NEBL: variants seen among roughly 807,000 people sequenced by gnomAD.
NEBL encodes LIM and SH3 protein 2.
In NEBL, 122 loss-of-function variants were observed where a neutral mutation model predicts 140.2. The observed-to-expected ratio is 0.87, with a 90% CI of 0.75 to 1.01. NEBL has a LOEUF of 1.01. NEBL is among the 50% of genes least tolerant of loss of function. NEBL has a pLI of 0.00. For synonymous variants in NEBL, 436 were observed against 398.9 expected (o/e 1.09, Z -1.11); for missense variants, 1,365 against 1,231.3 (o/e 1.11, Z -1.62).
chr10:20,836,279 G>A (rs749717795), intron 13 of NEBL, among the ~76,000 whole-genome samples: 39 of 152,244 alleles, frequency 2.6e-4, no homozygotes, highest in Non-Finnish European at 5.4e-4. Flanking sequence ...CTGGAGTGCA[G>A]TGGCGTGATC....
chr10:21,056,940 A>AT (rs1231533824), intron 2 of NEBL, among the ~76,000 whole-genome samples: 1 of 152,176 alleles, frequency 6.6e-6, no homozygotes, highest in East Asian at 1.9e-4. Flanking sequence ...AAAAGTGCTC[A>AT]TTTTATGATT....
intron 2 of NEBL, among the ~76,000 whole-genome samples, chr10:21,080,234 C>G (rs1337597992): frequency 6.6e-6 from 1 of 152,344 alleles, no homozygotes; most frequent in East Asian, 1.9e-4. Flanking sequence ...CATGTCATCA[C>G]TTTCTAAATA....
chr10:20,823,337 C>A, intron 18 of NEBL, 37 bp from the exon 19 acceptor site: 1 of 1,411,084 alleles, frequency 7.1e-7, no homozygotes, highest in Non-Finnish European at 9.9e-7. Context: ...TAACTTTATT[C>A]TATGCAAGGC....
intron 3 of NEBL, among the ~76,000 whole-genome samples, chr10:21,019,738 C>T (rs559585208): frequency 5.3e-5 from 8 of 152,276 alleles, no homozygotes; most frequent in East Asian, 3.9e-4. Flanking sequence ...GGGTGTTAGC[C>T]GCACACACAC....
intron 1 of NEBL, among the ~76,000 whole-genome samples, chr10:21,277,087 C>T (rs370842685): frequency 9.9e-5 from 15 of 151,994 alleles, no homozygotes; most frequent in East Asian, 7.7e-4. Context: ...CATGATGACA[C>T]TACTGTACTC....
rs142701449 is a variant in NEBL at position 21,047,034 on chromosome 10, AG to A, written c.165-26834del. Among the ~76,000 whole-genome samples, 609 of 152,348 alleles carry A rather than the reference AG, an allele frequency of 4.0e-3. 5 individuals are homozygous for A. The highest frequency in any genetic ancestry group is 0.014 in the African/African-American group (568 of 41,572). ...GGTCTCTTATAGTGTTATATTTTCA[AG>A]GAAGTATGGTTTACAGAATAAAATG... On this transcript the variant is annotated intron_variant, in intron 2 of 6. Transcript: ENST00000417816.
At chr10:20,905,732 T>C (rs539516032) in intron 4 of NEBL, among the ~76,000 whole-genome samples, 62 of 152,078 alleles carry the variant, frequency 4.1e-4, no homozygotes, top group African/African-American at 1.5e-3. Flanking sequence ...GAGACAAGAG[T>C]TGAAAGAACC....
intron 7 of NEBL, among the ~76,000 whole-genome samples, chr10:20,866,199 AAC>A (rs935426603): frequency 2.6e-5 from 4 of 152,056 alleles, no homozygotes; most frequent in Non-Finnish European, 5.9e-5. Context: ...TTTTTCATAG[AAC>A]ACACCATTCT....
At chr10:20,980,398 A>T (rs74120584) in intron 3 of NEBL, among the ~76,000 whole-genome samples, 2,137 of 152,214 alleles carry the variant, frequency 0.014, 48 homozygotes, top group African/African-American at 0.046. Flanking sequence ...AAGAAAAAAA[A>T]ATATATTTAG....
rs547466982 is a variant in NEBL, at chr10:21,145,725, C to T, written c.164+26658G>A. Among the ~76,000 whole-genome samples, 58 of 152,290 alleles carry T rather than the reference C, an allele frequency of 3.8e-4. 1 individual carries two copies. The South Asian group carries it at 0.01, about 27-fold the overall frequency. ...GGAACCAAAACAGAATCAGATCTAC[C>T]GGTCAGTACTCTTTGGTGGCTGACA... On this transcript the variant is annotated intron_variant, in intron 2 of 6. Coordinates refer to the NEBL transcript ENST00000417816.
At chr10:21,086,032 A>G (rs1453230962) in intron 2 of NEBL, among the ~76,000 whole-genome samples, 2 of 151,246 alleles carry the variant, frequency 1.3e-5, no homozygotes, top group East Asian at 3.9e-4. Context: ...ATGTACTTTG[A>G]AAAAAAAATC....
intron 7 of NEBL, among the ~76,000 whole-genome samples, chr10:20,865,463 C>T (rs543292566): frequency 2.3e-4 from 35 of 152,252 alleles, no homozygotes; most frequent in African/African-American, 7.9e-4. Context: ...AGGAGTTTAA[C>T]CCAGGTACAG....
intron 3 of NEBL, among the ~76,000 whole-genome samples, chr10:20,966,255 C>T (rs1362615039): frequency 1.3e-5 from 2 of 152,144 alleles, no homozygotes; most frequent in Non-Finnish European, 2.9e-5. Context: ...TGCATGTGTA[C>T]ATATATAACT....
chr10:21,167,483 C>A (rs1011574568), intron 2 of NEBL, among the ~76,000 whole-genome samples: 1 of 152,168 alleles, frequency 6.6e-6, no homozygotes, highest in Non-Finnish European at 1.5e-5. Flanking sequence ...TAAACTATTG[C>A]GTCGTTCCTT....
chr10:21,054,672 A>G (rs1564494522), intron 2 of NEBL, among the ~76,000 whole-genome samples: 2 of 152,180 alleles, frequency 1.3e-5, no homozygotes, highest in African/African-American at 4.8e-5. Context: ...TTTTTTCCAA[A>G]CTGTTCTAAG....
chr10:21,146,432 A>G (rs1229250420), intron 2 of NEBL: 7 of 1,613,562 alleles, frequency 4.3e-6, no homozygotes, highest in Non-Finnish European at 5.9e-6. Context: ...CATATAAGCT[A>G]GAGGACAGCC....
At chr10:20,967,344 A>C (rs1836364012) in intron 3 of NEBL, among the ~76,000 whole-genome samples, 1 of 152,148 alleles carries the variant, frequency 6.6e-6, no homozygotes, top group African/African-American at 2.4e-5. Context: ...ATGTAGACAC[A>C]GGGCTGGGCA....
At chr10:21,103,891 AT>A (rs1410294602) in intron 2 of NEBL, among the ~76,000 whole-genome samples, 1 of 152,068 alleles carries the variant, frequency 6.6e-6, no homozygotes, top group East Asian at 1.9e-4. Context: ...GACAGTCTAC[AT>A]TTTTTTCTAG....
chr10:20,820,424 G>C (rs1187041568), intron 19 of NEBL, among the ~76,000 whole-genome samples: 1 of 152,194 alleles, frequency 6.6e-6, no homozygotes, highest in East Asian at 1.9e-4. Context: ...GATCTCATTA[G>C]AAGAAACTTC....
Sources: allele counts gnomAD v4.1 joint callset (sites outside exome capture counted in the v4.1 genomes callset), GRCh38; gene constraint gnomAD v4.1.1; transcripts MANE v1.5; gene names NCBI Gene and HGNC (gene_info 2026-07-23, HGNC 2026-07-21).